The following BEND3 variants were observed in gnomAD, a reference collection of about 807,000 sequenced individuals.
BEND3 encodes BEN domain containing 3, also known as BEN domain-containing protein 3.
BEND3 carries 13 observed loss-of-function variants against 60.1 expected under a neutral mutation model. The observed-to-expected ratio is 0.22, with a 90% CI of 0.14 to 0.34. The LOEUF is 0.34. Ranked by LOEUF, BEND3 falls within the 10% of genes least tolerant of loss-of-function variation. The pLI is 1.00. For missense variants in BEND3, 896 were observed against 1,138.1 expected (o/e 0.79, Z 3.06); for synonymous variants, 497 against 491.5 (o/e 1.01, Z -0.15).
intron 3 of BEND3, among the ~76,000 whole-genome samples, chr6:107,090,292 T>G (rs1418124820): frequency 6.6e-6 from 1 of 152,162 alleles, no homozygotes; most frequent in Non-Finnish European, 1.5e-5. Context: ...GAGGTCGCAC[T>G]GAGCCAAGAT....
intron 3 of BEND3, among the ~76,000 whole-genome samples, chr6:107,078,944 G>A (rs1465324825): frequency 1.3e-5 from 2 of 151,980 alleles, no homozygotes; most frequent in African/African-American, 4.8e-5. Flanking sequence ...GCACCCAAAT[G>A]TTGCATTTTC....
chr6:107,092,724 C>T (rs1775502332), intron 3 of BEND3, among the ~76,000 whole-genome samples: 1 of 152,080 alleles, frequency 6.6e-6, no homozygotes, highest in Admixed American at 6.6e-5. Flanking sequence ...CTATGTAGAA[C>T]ATCCAAAAGA....
chr6:107,079,958 T>G (rs1554233289), intron 3 of BEND3, among the ~76,000 whole-genome samples: 1 of 151,952 alleles, frequency 6.6e-6, no homozygotes, highest in African/African-American at 2.4e-5. Flanking sequence ...CTTGAACTCC[T>G]GAGCTCAAGT....
chr6:107,070,002 G>T lies in BEND3; in HGVS notation c.1189C>A (p.Leu397Ile), dbSNP rs368175977. ...GAGGCTTCGTCCAGGAACTCAGTGA[G>T]GTCCTGCGTGTCCACCACGTGGTCT... ...ASDHVVDTQD[L>I]TEFLDEASSP... The change falls in exon 4 of 4, where the codon CTC (leucine) becomes ATC (isoleucine). Residue 397 changes from leucine (L) to isoleucine (I), a missense_variant. Physicochemically the swap from Leu to Ile is conservative, Grantham distance 5. This residue lies in a region of BEND3 where 846 missense variants were observed against 1,036.7 expected (regional missense o/e 0.82). Transcript: ENST00000369042. This position sits in a 1 kb window ranked among gnomAD's most constrained non-coding sequence, Gnocchi z 6.9. 1.4e-5 allele frequency: 22 copies of T among 1,613,812 alleles called. No individual in the cohort carries two copies. Among genetic ancestry groups the T allele is most frequent in the Non-Finnish European group, 1.9e-5 (22 of 1,180,034 alleles).
Position 107,069,487 on chromosome 6 carries a change from C to T in BEND3, c.1704G>A (p.Leu568=), listed in dbSNP as rs1554231484. Residue 568 remains leucine (L), a synonymous_variant, in exon 4 of 4, where the codon CTG becomes CTA. Coordinates refer to ENST00000369042, the MANE Select transcript of BEND3 (RefSeq NM_001367314.1). The part of the protein sequence containing the change: ...EQLRSIYESS[L]SIGNFASRLL... ...GGCGCGAGGCGAAGTTGCCGATGGA[C>T]AGGCTGCTCTCGTAGATGCTGCGTA... The T allele has an allele frequency of 6.2e-7, 1 of 1,612,880 alleles. No homozygotes were observed. The highest frequency in any genetic ancestry group is 1.3e-5 in the African/African-American group (1 of 74,912).
Position 107,069,967 on chromosome 6 carries a change from G to T in BEND3, c.1224C>A (p.Gly408=). The T allele has an allele frequency of 1.9e-6, 3 of 1,613,466 alleles. No homozygotes were observed. Among genetic ancestry groups the T allele is most frequent in the Non-Finnish European group, 2.5e-6 (3 of 1,179,914 alleles). Residue 408 remains glycine (G), a synonymous_variant, in exon 4 of 4, where the codon GGC becomes GGA. Transcript: ENST00000369042. ...GGTGGAGGAGGAAGACGGCAAACTCGCCTGGTGAGGAGGCTTCGTCCAGGA... is the reference window on the plus strand; with the variant it reads ...GGTGGAGGAGGAAGACGGCAAACTCTCCTGGTGAGGAGGCTTCGTCCAGGA... ...TEFLDEASSP[G]EFAVFLLHRL...
chr6:107,079,588 A>G (rs1437973019), intron 3 of BEND3, among the ~76,000 whole-genome samples: 1 of 152,168 alleles, frequency 6.6e-6, no homozygotes, highest in African/African-American at 2.4e-5. Context: ...AGGTTTGAGC[A>G]GTGGGGCACT....
At chr6:107,099,215 A>C in intron 2 of BEND3, 34 bp downstream of exon 2, 2 of 1,549,364 alleles carry the variant, frequency 1.3e-6, no homozygotes, top group Non-Finnish European at 1.8e-6. Context: ...TATTCAGTTA[A>C]AAACATTTTT....
rs1050484209 is a variant in BEND3 at position 107,088,247 on chromosome 6, G to A, written c.240+10304C>T. Among the ~76,000 whole-genome samples, 6 of 151,784 alleles carry A rather than the reference G, an allele frequency of 4.0e-5. No homozygotes were observed. The East Asian group carries it at 5.8e-4, about 15-fold the overall frequency. The stretch of plus-strand genomic sequence containing the variant: ...CTGAAAAAAGAATCTCTGCATTTGA[G>A]GATATCTTAATAGATACCTCAAAAA... On this transcript the variant is annotated intron_variant, in intron 3 of 3. Transcript: ENST00000369042.
At chr6:107,094,183 G>A (rs971387730) in intron 3 of BEND3, among the ~76,000 whole-genome samples, 2 of 152,110 alleles carry the variant, frequency 1.3e-5, no homozygotes, top group African/African-American at 4.8e-5. Flanking sequence ...ACCAGCCTGG[G>A]CAACATAGCA....
At chr6:107,081,645 A>C (rs942145509) in intron 3 of BEND3, among the ~76,000 whole-genome samples, 1 of 152,184 alleles carries the variant, frequency 6.6e-6, no homozygotes, top group Non-Finnish European at 1.5e-5. Context: ...AGACTGGGCA[A>C]GTCATATGAG....
intron 1 of BEND3, among the ~76,000 whole-genome samples, chr6:107,112,897 G>A (rs543665711): frequency 1.1e-4 from 16 of 151,514 alleles, no homozygotes; most frequent in African/African-American, 3.9e-4. Flanking sequence ...GGTGGCTCAC[G>A]CCTGTAATCC....
At chr6:107,114,087 T>C (rs1770195381) in intron 1 of BEND3, 1 of 152,230 alleles carries the variant, frequency 6.6e-6, no homozygotes, top group Admixed American at 6.5e-5. Context: ...GAGCAATCAA[T>C]AAAACTTTTA....
intron 1 of BEND3, among the ~76,000 whole-genome samples, chr6:107,100,340 TCAAGTGATTCTCCTGCCTCTGCCTC>T (rs1376634645): frequency 1.4e-4 from 21 of 152,290 alleles, no homozygotes; most frequent in South Asian, 1.2e-3. Context: ...CCTCCTGGGT[TCAAGTGATTCTCCTGCCTCTGCCTC>T]CAAGTGATTC....
intron 3 of BEND3, among the ~76,000 whole-genome samples, chr6:107,080,906 A>AT (rs1775218404): frequency 6.6e-6 from 1 of 152,010 alleles, no homozygotes; most frequent in African/African-American, 2.4e-5. Context: ...AAAATAAATA[A>AT]AGTCCCCAGG....
chr6:107,078,496 C>T (rs1473091240), intron 3 of BEND3, among the ~76,000 whole-genome samples: 4 of 146,662 alleles, frequency 2.7e-5, no homozygotes, highest in African/African-American at 1.0e-4. Flanking sequence ...TCACTGTCAC[C>T]CAGGCTGGAG....
Position 107,098,239 on chromosome 6 carries a change from G to A in BEND3, c.240+312C>T, listed in dbSNP as rs552026242. Among the ~76,000 whole-genome samples, 4 of 152,310 alleles carry A rather than the reference G, an allele frequency of 2.6e-5. No individual in the cohort carries two copies. In the East Asian group the frequency reaches 7.7e-4, roughly 29 times the overall value. ...AAGAATCAGCTACTATGTCAAGTGT[G>A]GTAGGCTTACGTTAACCGTCCTCAC... is the stretch of plus-strand genomic sequence containing the variant. On this transcript the variant is annotated intron_variant, in intron 3 of 3. Transcript: ENST00000369042.
At chr6:107,077,558 A>C (rs1380676258) in intron 3 of BEND3, among the ~76,000 whole-genome samples, 1 of 152,188 alleles carries the variant, frequency 6.6e-6, no homozygotes, top group East Asian at 1.9e-4. Flanking sequence ...GGATGTGCTA[A>C]GATGGCCGAA....
chr6:107,080,664 C>T lies in BEND3; in HGVS notation c.241-9714G>A, dbSNP rs570607580. ...TGGGAGGCCAGGGCGGGTGGATCTC[C>T]TGAGGTCAGGAGTTCGAGATCAGCC... On this transcript the variant is annotated intron_variant, in intron 3 of 3. Transcript: ENST00000369042. Among the ~76,000 whole-genome samples, 71 of 151,914 alleles carry T rather than the reference C, an allele frequency of 4.7e-4. No homozygotes were observed. The East Asian group carries it at 0.01, about 22-fold the overall frequency.
Sources: allele counts gnomAD v4.1 joint callset (sites outside exome capture counted in the v4.1 genomes callset), GRCh38; gene constraint gnomAD v4.1.1; regional missense constraint gnomAD v4.1.1; non-coding constraint Gnocchi (gnomAD v3.1); transcripts MANE v1.5; gene names NCBI Gene and HGNC (gene_info 2026-07-23, HGNC 2026-07-21).